Variants in ZNF599 observed in about 807,000 individuals in gnomAD.
ZNF599 encodes zinc finger protein 599.
A neutral mutation model predicts 11.7 loss-of-function variants in ZNF599; 10 were observed. The observed-to-expected ratio is 0.86, with a 90% CI of 0.53 to 1.45. The LOEUF is 1.45. ZNF599 is among the 40% of genes most tolerant of loss of function. The pLI is 0.00. For synonymous variants in ZNF599, 232 were observed against 253.2 expected, an observed-to-expected ratio of 0.92 and a Z score of 0.79; for missense variants, 688 against 713.6, an observed-to-expected ratio of 0.96 and a Z score of 0.41.
At chr19:34,780,220 C>A in the ZNF599 span, among the ~76,000 whole-genome samples, 1 of 152,088 alleles carries the variant, frequency 6.6e-6, no homozygotes, top group Non-Finnish European at 1.5e-5. Context: ...CAAGAGTAGA[C>A]CACATGGCCA....
Position 34,758,908 on chromosome 19 carries a change from A to G in ZNF599, c.*126T>C, listed in dbSNP as rs2069088498. 1.1e-5 allele frequency: 10 copies of G among 891,634 alleles called. No individual in the cohort carries two copies. The highest frequency in any genetic ancestry group is 2.3e-4 in the Middle Eastern group (1 of 4,376). 55.2% of individuals were successfully genotyped at this position (891,634 alleles called of 1,614,324 possible). A position where few individuals can be genotyped will look rare whatever the true frequency, so the allele number is the denominator to read the frequency against. ...ATTCTGTTTCTAGTTAGTATAAATT[A>G]TCAGATACTAAGACATCTCTCTGGC... On this transcript the variant is annotated 3_prime_UTR_variant, in exon 4 of 4. Transcript: ENST00000329285.
chr19:34,793,923 G>A, the ZNF599 span, among the ~76,000 whole-genome samples: 27 of 152,196 alleles, frequency 1.8e-4, 1 homozygote, highest in Admixed American at 3.3e-4. Flanking sequence ...GTATGTATTA[G>A]TCAGTTTTCA....
At chr19:34,801,604 G>T in the ZNF599 span, among the ~76,000 whole-genome samples, 3 of 152,218 alleles carry the variant, frequency 2.0e-5, no homozygotes, top group Non-Finnish European at 1.5e-5. Flanking sequence ...GGACTCTTTG[G>T]TGCTGAACAA....
the ZNF599 span, among the ~76,000 whole-genome samples, chr19:34,790,902 A>T: frequency 6.6e-6 from 1 of 152,232 alleles, no homozygotes; most frequent in East Asian, 1.9e-4. Flanking sequence ...AATTAAAAAT[A>T]AAGAAGTTGG....
chr19:34,765,522 T>G, intron 3 of ZNF599: 1 of 700,900 alleles, frequency 1.4e-6, no homozygotes, highest in South Asian at 1.5e-5. Flanking sequence ...GTGGTAATAT[T>G]GTTACATATT....
In ZNF599 at chr19:34,759,916, G is replaced by A. The variant is rs1401452714; in HGVS notation, c.885C>T (p.Arg295=). Residue 295 remains arginine, a synonymous_variant, in exon 4 of 4, where the codon CGC becomes CGT. Transcript: ENST00000329285. Reference sequence around the variant, plus strand: ...TCATATTATGCTGGATAAAAGAAGAGCGGTGGGTGAATGCTTTGCCACATT... The same window carrying A: ...TCATATTATGCTGGATAAAAGAAGAACGGTGGGTGAATGCTTTGCCACATT... ...CKECGKAFTH[R]SSFIQHNMTH... 6.2e-7 allele frequency: 1 copy of A among 1,614,018 alleles called. No individual in the cohort carries two copies. Among genetic ancestry groups the A allele is most frequent in the Non-Finnish European group, 8.5e-7 (1 of 1,180,032 alleles).
the ZNF599 span, among the ~76,000 whole-genome samples, chr19:34,794,823 A>G: frequency 6.6e-6 from 1 of 152,138 alleles, no homozygotes; most frequent in African/African-American, 2.4e-5. Context: ...CACTGGCCTC[A>G]GCCTCCCAAA....
chr19:34,780,722 A>AAGAAAG, the ZNF599 span, among the ~76,000 whole-genome samples: 1 of 150,828 alleles, frequency 6.6e-6, no homozygotes, highest in East Asian at 2.0e-4. Flanking sequence ...GAAAGAAGGA[A>AAGAAAG]AGAAAGAGAA....
intron 3 of ZNF599, among the ~76,000 whole-genome samples, chr19:34,761,041 G>C (rs969169808): frequency 3.3e-5 from 5 of 152,102 alleles, no homozygotes; most frequent in Non-Finnish European, 1.5e-5. Context: ...GGAATTAGGA[G>C]GGAAACTTCG....
At chr19:34,772,678 C>T in intron 1 of ZNF599, 146 bp downstream of exon 1, 1 of 1,476,930 alleles carries the variant, frequency 6.8e-7, no homozygotes, top group Non-Finnish European at 8.9e-7. Flanking sequence ...TAGCCCTGCC[C>T]TCTCACCTCA....
intron 3 of ZNF599, among the ~76,000 whole-genome samples, chr19:34,762,523 G>C (rs746846485): frequency 2.0e-4 from 31 of 151,966 alleles, no homozygotes; most frequent in Admixed American, 7.9e-4. Context: ...ATGTGCCTGA[G>C]GACACATATA....
At chr19:34,798,420 C>T in the ZNF599 span, among the ~76,000 whole-genome samples, 1 of 152,196 alleles carries the variant, frequency 6.6e-6, no homozygotes, top group African/African-American at 2.4e-5. Flanking sequence ...CAACTCTAAT[C>T]TGGTACCACA....
intron 1 of ZNF599, among the ~76,000 whole-genome samples, chr19:34,771,149 C>T (rs149173233): frequency 1.3e-5 from 2 of 152,136 alleles, no homozygotes; most frequent in East Asian, 1.9e-4. Flanking sequence ...TGGCACACAC[C>T]GATAATCCTA....
chr19:34,765,114 T>A, intron 3 of ZNF599: 1 of 151,510 alleles, frequency 6.6e-6, no homozygotes, highest in Non-Finnish European at 1.5e-5. Flanking sequence ...AGAGAGGGGA[T>A]GAAAATATAG....
At chr19:34,792,188 C>T in the ZNF599 span, among the ~76,000 whole-genome samples, 5 of 152,196 alleles carry the variant, frequency 3.3e-5, no homozygotes, top group African/African-American at 1.2e-4. Context: ...AAGCCCTTCC[C>T]CCTTTAAATA....
chr19:34,799,253 T>G, the ZNF599 span, among the ~76,000 whole-genome samples: 1 of 152,202 alleles, frequency 6.6e-6, no homozygotes, highest in Admixed American at 6.5e-5. Flanking sequence ...TCCTCTTGCT[T>G]CAGCCTCCCA....
intron 1 of ZNF599, 104 bp from the exon 2 acceptor site, chr19:34,769,659 A>G: frequency 7.1e-7 from 1 of 1,412,600 alleles, no homozygotes; most frequent in Non-Finnish European, 9.6e-7. Context: ...TGAACCACTG[A>G]GCAACTCCTG....
At position 34,759,662 on chromosome 19, in the gene ZNF599, G is replaced by C; in HGVS notation, c.1139C>G (p.Ser380Ter). The C allele has an allele frequency of 6.2e-7, 1 of 1,614,220 alleles. No individual in the cohort carries two copies. Among genetic ancestry groups the C allele is most frequent in the Non-Finnish European group, 8.5e-7 (1 of 1,180,034 alleles). The change falls in exon 4 of 4, where the codon TCA becomes TGA. Residue 380 changes from serine to a stop codon, truncating the protein, a stop_gained. Transcript: ENST00000329285. LOFTEE classifies it low-confidence loss of function (END_TRUNC). The stretch of plus-strand genomic sequence containing the variant: ...AATCCTCATGTGCTGAGTGAAGGAT[G>C]AGTTGAGGCAAAAGGTTTTTCCACA... The part of the protein sequence containing the change: ...KECGKTFCLN[S>*]SFTQHMRIHT...
In ZNF599 at chr19:34,760,004, C is replaced by A. The variant is rs760360940; in HGVS notation, c.797G>T (p.Arg266Leu). Residue 266 changes from arginine (R) to leucine (L), a missense_variant, in exon 4 of 4, where the codon CGC (arginine) becomes CTC (leucine). Transcript: ENST00000329285. ...CTGGTGCTCCGTGAGGTGAAACCTG[C>A]GTTTGAAGGCTTTCCCACACTCAAT... ...KCIECGKAFK[R>L]RFHLTEHQRI... 5.0e-6 allele frequency: 8 copies of A among 1,614,044 alleles called. No individual in the cohort carries two copies. The highest frequency in any genetic ancestry group is 1.7e-5 in the Admixed American group (1 of 60,000).
Sources: gnomAD v4.1 joint callset for allele counts (sites outside exome capture counted in the v4.1 genomes callset) on GRCh38, gnomAD v4.1.1 for gene constraint, MANE v1.5 for transcripts, NCBI Gene and HGNC (gene_info 2026-07-23, HGNC 2026-07-21) for gene names.